The following KMT2E variants were observed in gnomAD, a reference collection of about 807,000 sequenced individuals.
The protein encoded by KMT2E is lysine methyltransferase 2E (inactive).
KMT2E carries 30 observed loss-of-function variants against 184.6 expected under a neutral mutation model. That is an observed-to-expected ratio of 0.16 (90% CI 0.12 to 0.22). The LOEUF (loss-of-function observed/expected upper bound fraction) is 0.22. Among genes scored for constraint, KMT2E ranks in the 10% least tolerant of loss-of-function variants. The pLI is 1.00. For synonymous variants in KMT2E, 815 were observed against 776.5 expected (o/e 1.05, Z -0.82); for missense variants, 2,023 against 2,237.4 (o/e 0.90, Z 1.93).
At chr7:105,068,020 C>T (rs1211301882) in intron 6 of KMT2E, among the ~76,000 whole-genome samples, 2 of 152,168 alleles carry the variant, frequency 1.3e-5, no homozygotes, top group Non-Finnish European at 2.9e-5. Context: ...AACAAAATCT[C>T]TGGCTCACCC....
intron 17 of KMT2E, chr7:105,103,134 GA>G (rs1798729455): frequency 6.6e-6 from 1 of 152,062 alleles, no homozygotes; most frequent in South Asian, 2.1e-4. Flanking sequence ...TTTGTAAAGT[GA>G]AAAGAAAAAA....
intron 17 of KMT2E, chr7:105,104,439 A>G (rs1461100476): frequency 6.6e-6 from 1 of 152,110 alleles, no homozygotes; most frequent in Admixed American, 6.5e-5. Flanking sequence ...TGCAATCCCA[A>G]CATTTGGGGA....
chr7:105,043,185 G>A (rs1436342595), intron 3 of KMT2E, among the ~76,000 whole-genome samples: 1 of 151,204 alleles, frequency 6.6e-6, no homozygotes, highest in Admixed American at 6.6e-5. Context: ...TTTAATGATT[G>A]GCATTTTTCC....
intron 3 of KMT2E, among the ~76,000 whole-genome samples, chr7:105,057,431 T>C (rs1211217599): frequency 6.6e-6 from 1 of 152,098 alleles, no homozygotes; most frequent in African/African-American, 2.4e-5. Context: ...TCATCTGTCT[T>C]TGAGTTGTTT....
chr7:105,040,009 T>C (rs932697004), intron 2 of KMT2E, among the ~76,000 whole-genome samples: 7 of 152,080 alleles, frequency 4.6e-5, no homozygotes, highest in African/African-American at 1.7e-4. Flanking sequence ...AAAAAAAAAC[T>C]TCATTAGTTT....
At chr7:105,059,676 G>A (rs1796711935) in intron 3 of KMT2E, among the ~76,000 whole-genome samples, 1 of 152,024 alleles carries the variant, frequency 6.6e-6, no homozygotes, top group South Asian at 2.1e-4. Flanking sequence ...TATATATGTT[G>A]ACATTTAAAG....
At chr7:105,060,367 T>C (rs2129567014) in intron 3 of KMT2E, among the ~76,000 whole-genome samples, 1 of 152,230 alleles carries the variant, frequency 6.6e-6, no homozygotes, top group African/African-American at 2.4e-5. Context: ...AAGATTATAT[T>C]GGAGGTGCCG....
intron 1 of KMT2E, among the ~76,000 whole-genome samples, chr7:105,030,100 G>C (rs1048641687): frequency 2.0e-5 from 3 of 152,062 alleles, no homozygotes; most frequent in African/African-American, 7.3e-5. Context: ...AGCTGTTCTA[G>C]AACAATGTCT....
rs183177221 is a variant in KMT2E, at chr7:105,084,866, T to C, written c.1358+3069T>C. On this transcript the variant is annotated intron_variant, in intron 13 of 26. Transcript: ENST00000311117. Reference sequence around the variant, plus strand: ...TACTACAGTTAGTTTTAAATAGTTATGATTTAATAATATGTCTTTACATGA... The same window carrying C: ...TACTACAGTTAGTTTTAAATAGTTACGATTTAATAATATGTCTTTACATGA... Among the ~76,000 whole-genome samples the C allele has an allele frequency of 1.6e-3, 240 of 152,282 alleles. 1 individual carries two copies. The highest frequency in any genetic ancestry group is 5.4e-3 in the African/African-American group (226 of 41,566).
chr7:105,043,698 A>G (rs1795984128), intron 3 of KMT2E, among the ~76,000 whole-genome samples: 1 of 152,266 alleles, frequency 6.6e-6, no homozygotes, highest in Non-Finnish European at 1.5e-5. Context: ...TATTGCAAAC[A>G]GAGTAGTGGT....
intron 11 of KMT2E, 111 bp downstream of exon 11, chr7:105,077,544 C>A (rs933684335): frequency 2.5e-6 from 2 of 802,632 alleles, no homozygotes; most frequent in East Asian, 2.5e-5. Flanking sequence ...ATGATCATTT[C>A]AGTATTTAAA....
At chr7:105,025,231 ACTT>A (rs1795127317) in intron 1 of KMT2E, among the ~76,000 whole-genome samples, 1 of 152,100 alleles carries the variant, frequency 6.6e-6, no homozygotes, top group South Asian at 2.1e-4. Context: ...ACCAGGTTGT[ACTT>A]CTTTGGGCAA....
In KMT2E at chr7:105,062,194, A is replaced by G. The variant is rs1009525352; in HGVS notation, c.102A>G (p.Val34=). Residue 34 remains valine, a synonymous_variant, in exon 4 of 27, where the codon GTA becomes GTG. Coordinates refer to ENST00000311117, the MANE Select transcript of KMT2E (RefSeq NM_182931.3). Reference sequence around the variant, plus strand: ...AATCCGTAGAAGCTAGCCCTGTGGTAGTTGAGAAATCCAACAGTTATCCCC... The same window carrying G: ...AATCCGTAGAAGCTAGCCCTGTGGTGGTTGAGAAATCCAACAGTTATCCCC... ...EPESVEASPV[V]VEKSNSYPHQ... The G allele has an allele frequency of 1.2e-6, 2 of 1,613,128 alleles. No individual in the cohort carries two copies. The highest frequency in any genetic ancestry group is 1.7e-6 in the Non-Finnish European group (2 of 1,179,374).
chr7:105,040,848 A>G lies in KMT2E; in HGVS notation c.-105A>G. On this transcript the variant is annotated 5_prime_UTR_variant, in exon 3 of 27. The change abolishes an upstream ATG in the 5' untranslated region. Transcript: ENST00000311117. ...CTTTTCTTTTAAACAGGGTTTGTGGATGCACTTAGATGTTTGCAATGAGCA... is the reference window on the plus strand; with the variant it reads ...CTTTTCTTTTAAACAGGGTTTGTGGGTGCACTTAGATGTTTGCAATGAGCA... The G allele has an allele frequency of 1.5e-6, 1 of 653,484 alleles. No homozygotes were observed. The highest frequency in any genetic ancestry group is 2.7e-6 in the Non-Finnish European group (1 of 373,862). 40.5% of individuals were successfully genotyped at this position (653,484 alleles called of 1,614,324 possible).
At chr7:105,019,059 T>G (rs1794837734) in intron 1 of KMT2E, among the ~76,000 whole-genome samples, 1 of 152,142 alleles carries the variant, frequency 6.6e-6, no homozygotes, top group South Asian at 2.1e-4. Flanking sequence ...TTGCAAGAGA[T>G]AAGAATTAAC....
chr7:105,112,321 C>T lies in KMT2E; in HGVS notation c.4565C>T (p.Thr1522Ile), dbSNP rs996184490. Residue 1522 changes from threonine (T) to isoleucine (I), a missense_variant, in exon 27 of 27, where the codon ACA becomes ATA. Around this residue, in one of 8 missense-constraint regions of KMT2E, gnomAD observed 1,108 missense variants for 1,050.9 expected, o/e 1.05. Transcript: ENST00000311117. The stretch of plus-strand genomic sequence containing the variant: ...ACTTCTGGAACATTATTTACACAGA[C>T]ACCCTCAGGACAATCTTCAGCAACA... ...QATSGTLFTQ[T>I]PSGQSSATYS... The T allele has an allele frequency of 6.2e-7, 1 of 1,613,762 alleles. No homozygotes were observed. The highest frequency in any genetic ancestry group is 1.3e-5 in the African/African-American group (1 of 74,908).
intron 15 of KMT2E, among the ~76,000 whole-genome samples, chr7:105,095,901 T>A (rs1199598820): frequency 6.6e-6 from 1 of 152,106 alleles, no homozygotes; most frequent in African/African-American, 2.4e-5. Flanking sequence ...CTGGGGGGTA[T>A]ACCTGTAGCT....
intron 3 of KMT2E, among the ~76,000 whole-genome samples, chr7:105,057,726 G>T (rs568762664): frequency 2.6e-5 from 4 of 152,030 alleles, no homozygotes; most frequent in African/African-American, 4.8e-5. Context: ...TGCTGTGATC[G>T]TAAGCGTGAG....
chr7:105,112,029 T>G lies in KMT2E; in HGVS notation c.4273T>G (p.Ser1425Ala), dbSNP rs932456445. ...TCCTCAGACACACGTTCGTAATTCA[T>G]CTGAGCAACTTTCACAAAAGCTGCC... ...HPPQTHVRNS[S>A]EQLSQKLPSV... Residue 1425 changes from serine to alanine, a missense_variant, in exon 27 of 27, where the codon TCT (serine) becomes GCT (alanine). By Grantham distance (99) the Ser-to-Ala change is moderately conservative. Around this residue, in one of 8 missense-constraint regions of KMT2E, gnomAD observed 1,108 missense variants for 1,050.9 expected, o/e 1.05. Transcript: ENST00000311117. The G allele has an allele frequency of 6.2e-7, 1 of 1,614,226 alleles. No homozygotes were observed. The highest frequency in any genetic ancestry group is 8.5e-7 in the Non-Finnish European group (1 of 1,180,034).
Sources: allele counts gnomAD v4.1 joint callset (sites outside exome capture counted in the v4.1 genomes callset), GRCh38; gene constraint gnomAD v4.1.1; regional missense constraint gnomAD v4.1.1; transcripts MANE v1.5; gene names NCBI Gene and HGNC (gene_info 2026-07-23, HGNC 2026-07-21).